The following TFG variants were observed in gnomAD, a reference collection of about 807,000 sequenced individuals.
TFG encodes the protein protein TFG.
A neutral mutation model predicts 51.4 loss-of-function variants in TFG; 22 were observed. That is an observed-to-expected ratio of 0.43 (90% CI 0.31 to 0.61). TFG has a LOEUF of 0.61. Ranked by LOEUF, TFG falls within the 20% of genes least tolerant of loss-of-function variation. TFG has a pLI of 0.12. For missense variants in TFG, 419 were observed against 487.7 expected, an observed-to-expected ratio of 0.86 and a Z score of 1.33; for synonymous variants, 187 against 165.6, an observed-to-expected ratio of 1.13 and a Z score of -0.99.
chr3:100,729,882 A>T (rs1483072119), intron 4 of TFG, among the ~76,000 whole-genome samples: 1 of 152,096 alleles, frequency 6.6e-6, no homozygotes, highest in Non-Finnish European at 1.5e-5. Context: ...TTAATGATAG[A>T]TGTTTAATAA....
chr3:100,711,390 C>G (rs1253179436), intron 1 of TFG, among the ~76,000 whole-genome samples: 1 of 152,156 alleles, frequency 6.6e-6, no homozygotes, highest in Admixed American at 6.5e-5. Context: ...TGTGAGCCAC[C>G]GTGCCCGGCC....
chr3:100,735,591 G>A (rs1429113186), intron 5 of TFG, among the ~76,000 whole-genome samples: 1 of 152,190 alleles, frequency 6.6e-6, no homozygotes, highest in Admixed American at 6.5e-5. Context: ...TTGAACCTGG[G>A]TAGTCTAGCT....
At chr3:100,734,308 G>A (rs1376982969) in intron 5 of TFG, among the ~76,000 whole-genome samples, 1 of 152,208 alleles carries the variant, frequency 6.6e-6, no homozygotes, top group East Asian at 1.9e-4. Context: ...TCTAGGTGCT[G>A]CATTTTTCTC....
intron 3 of TFG, among the ~76,000 whole-genome samples, chr3:100,725,799 A>T (rs879900218): frequency 3.3e-5 from 5 of 152,140 alleles, no homozygotes; most frequent in African/African-American, 7.2e-5. Context: ...TCTCAAAAAA[A>T]ATATAAATAC....
At chr3:100,734,604 T>C (rs1231051605) in intron 5 of TFG, among the ~76,000 whole-genome samples, 1 of 152,188 alleles carries the variant, frequency 6.6e-6, no homozygotes, top group Admixed American at 6.5e-5. Flanking sequence ...TTTCAAATAG[T>C]TTCTTTTGTT....
At position 100,748,926 on chromosome 3, in the gene TFG, G is replaced by A. The variant is rs2095163624; in HGVS notation, c.*395G>A. ...GAATACAAGATATTATGTATAAAAT[G>A]TAACACTGATGATAGGTTAATAAAG... On this transcript the variant is annotated 3_prime_UTR_variant, in exon 8 of 8. Transcript: ENST00000240851. The A allele has an allele frequency of 4.7e-6, 1 of 211,144 alleles. No homozygotes were observed. The highest frequency in any genetic ancestry group is 9.6e-6 in the Non-Finnish European group (1 of 104,138). 13.1% of individuals were successfully genotyped at this position (211,144 alleles called of 1,614,324 possible).
chr3:100,748,437 C>T lies in TFG; in HGVS notation c.1109C>T (p.Thr370Ile), dbSNP rs747373198. The T allele has an allele frequency of 1.2e-6, 2 of 1,614,128 alleles. No homozygotes were observed. The highest frequency in any genetic ancestry group is 1.7e-6 in the Non-Finnish European group (2 of 1,179,996). Residue 370 changes from threonine (T) to isoleucine (I), a missense_variant, in exon 8 of 8, where the codon ACC becomes ATC. Physicochemically the swap from Thr to Ile is moderately conservative, Grantham distance 89. This residue lies in a region of TFG where 391 missense variants were observed against 434.4 expected (regional missense o/e 0.90). Transcript: ENST00000240851. ...RPGFTSLPGS[T>I]MTPPPSGPNP... ...GGTTTTACTTCACTTCCTGGAAGTA[C>T]CATGACCCCTCCTCCAAGTGGGCCT...
chr3:100,735,973 A>G (rs1352892679), intron 5 of TFG, among the ~76,000 whole-genome samples: 1 of 152,232 alleles, frequency 6.6e-6, no homozygotes, highest in African/African-American at 2.4e-5. Flanking sequence ...ATGAGTCAAG[A>G]AGGCTTACTA....
Position 100,748,548 on chromosome 3 carries a change from C to T in TFG, c.*17C>T. 6.3e-7 allele frequency: 1 copy of T among 1,585,614 alleles called. No individual in the cohort carries two copies. Among genetic ancestry groups the T allele is most frequent in the Non-Finnish European group, 8.6e-7 (1 of 1,162,596 alleles). On this transcript the variant is annotated 3_prime_UTR_variant, in exon 8 of 8. Coordinates refer to ENST00000240851, the MANE Select transcript of TFG (RefSeq NM_006070.6). Reference sequence around the variant, plus strand: ...TATCGATAAGGAGGCTCCTCTACACCAATTAATGTAGCTGCTAGCTATTGG... The same window carrying T: ...TATCGATAAGGAGGCTCCTCTACACTAATTAATGTAGCTGCTAGCTATTGG...
intron 4 of TFG, among the ~76,000 whole-genome samples, chr3:100,730,705 G>A (rs533359616): frequency 7.9e-5 from 12 of 152,216 alleles, no homozygotes; most frequent in African/African-American, 2.9e-4. Flanking sequence ...CTATTACAGC[G>A]GTTCTTGGAT....
intron 6 of TFG, among the ~76,000 whole-genome samples, chr3:100,740,715 CTG>C (rs1374343819): frequency 6.6e-6 from 1 of 152,148 alleles, no homozygotes; most frequent in Non-Finnish European, 1.5e-5. Flanking sequence ...GTTGGCTACT[CTG>C]TGTAATAAAT....
At chr3:100,742,083 T>G (rs1385428222) in intron 6 of TFG, among the ~76,000 whole-genome samples, 1 of 152,220 alleles carries the variant, frequency 6.6e-6, no homozygotes, top group East Asian at 1.9e-4. Flanking sequence ...CCTATAGATC[T>G]CTCAAGTATG....
chr3:100,740,843 A>G (rs1303457267), intron 6 of TFG, among the ~76,000 whole-genome samples: 1 of 152,092 alleles, frequency 6.6e-6, no homozygotes, highest in Non-Finnish European at 1.5e-5. Context: ...ATATACATAA[A>G]ACATAGCTTA....
intron 2 of TFG, among the ~76,000 whole-genome samples, chr3:100,715,062 A>G (rs896210769): frequency 2.0e-5 from 3 of 152,140 alleles, no homozygotes; most frequent in Middle Eastern, 3.2e-3. Flanking sequence ...TACCCACACC[A>G]TCCTTGTTTT....
Position 100,714,656 on chromosome 3 carries a change from C to T in TFG, c.184+787C>T, listed in dbSNP as rs368907613. Among the ~76,000 whole-genome samples the T allele has an allele frequency of 4.0e-5, 6 of 151,724 alleles. No homozygotes were observed. The East Asian group carries it at 9.7e-4, about 24-fold the overall frequency. ...AAATTTTTTTTCTATTCTTATTTCC[C>T]GAAATGAAAGGTTTTAGTATGTATT... On this transcript the variant is annotated intron_variant, in intron 2 of 7. Coordinates refer to ENST00000240851, the MANE Select transcript of TFG (RefSeq NM_006070.6).
chr3:100,710,695 A>G (rs907346479), intron 1 of TFG, among the ~76,000 whole-genome samples: 1 of 152,156 alleles, frequency 6.6e-6, no homozygotes, highest in African/African-American at 2.4e-5. Flanking sequence ...CAGTGCTGAG[A>G]AAAGTGTACC....
chr3:100,725,128 G>A (rs1477621835), intron 3 of TFG, among the ~76,000 whole-genome samples: 1 of 151,896 alleles, frequency 6.6e-6, no homozygotes, highest in Non-Finnish European at 1.5e-5. Flanking sequence ...GGATGGTCTC[G>A]ATCTCCTGAC....
At chr3:100,736,494 C>CTTTTTTTT (rs2095106656) in intron 5 of TFG, 82 bp from the exon 6 acceptor site, 1 of 1,499,604 alleles carries the variant, frequency 6.7e-7, no homozygotes, top group African/African-American at 1.4e-5. Flanking sequence ...CTTTTAGTAT[C>CTTTTTTTT]TTTTAACCAA....
chr3:100,724,707 A>T (rs1282064636), intron 3 of TFG, among the ~76,000 whole-genome samples: 1 of 152,222 alleles, frequency 6.6e-6, no homozygotes, highest in East Asian at 1.9e-4. Context: ...ATATTTACAA[A>T]TCAAACTCAT....
Sources: gnomAD v4.1 joint callset for allele counts (sites outside exome capture counted in the v4.1 genomes callset) on GRCh38, gnomAD v4.1.1 for gene constraint, gnomAD v4.1.1 regional missense constraint, MANE v1.5 for transcripts, NCBI Gene and HGNC (gene_info 2026-07-23, HGNC 2026-07-21) for gene names.